XIRP2: variants seen among roughly 807,000 people sequenced by gnomAD.
XIRP2 encodes xin actin binding repeat containing 2.
A neutral mutation model predicts 277.0 loss-of-function variants in XIRP2; 236 were observed. The observed-to-expected ratio is 0.85, with a 90% CI of 0.77 to 0.95. The LOEUF (loss-of-function observed/expected upper bound fraction) is 0.95, where lower values mean the gene tolerates loss of function less well. Ranked by LOEUF, XIRP2 falls within the 40% of genes least tolerant of loss-of-function variation. The pLI is 0.00. For synonymous variants in XIRP2, 1,490 were observed against 1,416.5 expected, an observed-to-expected ratio of 1.05 and a Z score of -1.17; for missense variants, 4,640 against 4,157.5, an observed-to-expected ratio of 1.12 and a Z score of -3.19.
At position 167,244,113 on chromosome 2, in the gene XIRP2, G is replaced by T; in HGVS notation, c.2721G>T (p.Gly907=). Residue 907 remains glycine, a synonymous_variant, in exon 9 of 11, where the codon GGG becomes GGT. Transcript: ENST00000409195. ...TCACTGCCTCTGAAGAAGAAAAAGG[G>T]GATGTTAGGCATCAAAAATGGATTT... The part of the protein sequence containing the change: ...QKITASEEEK[G]DVRHQKWIFE... The T allele has an allele frequency of 6.2e-7, 1 of 1,613,872 alleles. No individual in the cohort carries two copies. Among genetic ancestry groups the T allele is most frequent in the Non-Finnish European group, 8.5e-7 (1 of 1,179,910 alleles).
At chr2:167,184,479 C>G in intron 3 of XIRP2, 1 of 677,394 alleles carries the variant, frequency 1.5e-6, no homozygotes, top group South Asian at 1.6e-5. Context: ...CTCGCTTCTT[C>G]AGTTTTGTTG....
At chr2:167,135,663 A>C (rs374438847) in intron 2 of XIRP2, among the ~76,000 whole-genome samples, 1 of 152,110 alleles carries the variant, frequency 6.6e-6, no homozygotes, top group African/African-American at 2.4e-5. Flanking sequence ...GAGAGAAAAA[A>C]ACACACACAC....
At position 167,240,142 on chromosome 2, in the gene XIRP2, G is replaced by A. The variant is rs1695014992; in HGVS notation, c.969+177G>A. ...TTAAAAGTAAAATAGGGCCAGGCGC[G>A]GTGGCTTGCACCTGTAATCCCAACA... On this transcript the variant is annotated intron_variant, in intron 6 of 10. Coordinates refer to ENST00000409195, the MANE Select transcript of XIRP2 (RefSeq NM_152381.6). 2.0e-5 allele frequency among the ~76,000 whole-genome samples: 3 copies of A among 152,036 alleles called. No homozygotes were observed. The South Asian group carries it at 6.2e-4, about 32-fold the overall frequency.
chr2:167,014,863 A>T (rs58164217), intron 2 of XIRP2, among the ~76,000 whole-genome samples: 1 of 151,708 alleles, frequency 6.6e-6, no homozygotes, highest in African/African-American at 2.4e-5. Context: ...TACATGGCTA[A>T]TAAGTAATGG....
intron 3 of XIRP2, among the ~76,000 whole-genome samples, chr2:167,146,783 T>C (rs187198912): frequency 3.3e-5 from 5 of 152,092 alleles, no homozygotes; most frequent in African/African-American, 9.6e-5. Flanking sequence ...AGGCATATCA[T>C]AGTAAATAAA....
intron 9 of XIRP2, among the ~76,000 whole-genome samples, chr2:167,252,262 G>A (rs1695533854): frequency 6.6e-6 from 1 of 152,030 alleles, no homozygotes; most frequent in East Asian, 1.9e-4. Flanking sequence ...TTTATTTCAT[G>A]CAATTATTCT....
chr2:166,940,617 G>A lies in XIRP2; in HGVS notation c.408+36727G>A, dbSNP rs377508141. On this transcript the variant is annotated intron_variant, in intron 2 of 10. Transcript: ENST00000409195. ...CTTTGATGGTGGTGGCGTACAGATG[G>A]GGTTTTGGTGTGGATATCCTTTCTG... Among the ~76,000 whole-genome samples the A allele has an allele frequency of 2.6e-5, 4 of 152,272 alleles. No individual in the cohort carries two copies. In the East Asian group the frequency reaches 5.8e-4, roughly 22 times the overall value.
At chr2:167,161,394 A>T (rs1362007357) in intron 3 of XIRP2, among the ~76,000 whole-genome samples, 1 of 152,192 alleles carries the variant, frequency 6.6e-6, no homozygotes, top group Non-Finnish European at 1.5e-5. Flanking sequence ...CCCTGCAGCA[A>T]ACTTCTGCCT....
chr2:166,921,725 G>C (rs141737179), intron 2 of XIRP2, among the ~76,000 whole-genome samples: 15 of 152,228 alleles, frequency 9.9e-5, no homozygotes, highest in South Asian at 2.1e-4. Context: ...GCTCCTTTCA[G>C]TGTCTACTCT....
At chr2:166,888,729 G>A (rs145523350) in intron 1 of XIRP2, among the ~76,000 whole-genome samples, 172 bp downstream of exon 1, 4 of 152,180 alleles carry the variant, frequency 2.6e-5, no homozygotes, top group African/African-American at 9.6e-5. Context: ...TCAGGCTAGC[G>A]CTTAGTGACA....
chr2:166,998,016 A>G (rs553313509), intron 2 of XIRP2, among the ~76,000 whole-genome samples: 1 of 152,090 alleles, frequency 6.6e-6, no homozygotes, highest in Admixed American at 6.6e-5. Context: ...AGAAGTAGAG[A>G]GAGATATTAT....
intron 3 of XIRP2, among the ~76,000 whole-genome samples, chr2:167,166,506 G>T (rs12105375): frequency 1.3e-5 from 2 of 152,128 alleles, no homozygotes; most frequent in African/African-American, 4.8e-5. Flanking sequence ...CTGTTTTTGC[G>T]TTGCTATGAA....
chr2:166,933,578 C>CAA (rs879604257), intron 2 of XIRP2, among the ~76,000 whole-genome samples: 1 of 140,828 alleles, frequency 7.1e-6, no homozygotes, highest in Admixed American at 7.1e-5. Flanking sequence ...AGACTCCTCT[C>CAA]AAAAAAAAAA....
At chr2:166,947,539 G>T (rs911304889) in intron 2 of XIRP2, among the ~76,000 whole-genome samples, 2 of 151,986 alleles carry the variant, frequency 1.3e-5, no homozygotes, top group Non-Finnish European at 2.9e-5. Flanking sequence ...ATTTAGTTTT[G>T]ACATTTGTGT....
At chr2:167,182,421 C>A (rs535569060) in intron 3 of XIRP2, among the ~76,000 whole-genome samples, 10 of 152,192 alleles carry the variant, frequency 6.6e-5, no homozygotes, top group Non-Finnish European at 1.3e-4. Flanking sequence ...GTTCGCTTTG[C>A]TACCATGCAG....
chr2:166,898,599 A>G (rs866443702), intron 1 of XIRP2, among the ~76,000 whole-genome samples: 2 of 152,168 alleles, frequency 1.3e-5, no homozygotes, highest in African/African-American at 2.4e-5. Flanking sequence ...TCCATCTTAC[A>G]TAACTATAGT....
intron 2 of XIRP2, among the ~76,000 whole-genome samples, chr2:166,934,217 A>AC (rs963683365): frequency 1.3e-5 from 2 of 151,320 alleles, no homozygotes; most frequent in African/African-American, 4.9e-5. Context: ...AAAAAAAACA[A>AC]AACTAGGGTC....
At chr2:167,082,223 A>T (rs1223111870) in intron 2 of XIRP2, among the ~76,000 whole-genome samples, 17 of 151,772 alleles carry the variant, frequency 1.1e-4, no homozygotes, top group Admixed American at 1.3e-4. Flanking sequence ...GCGATAGTTT[A>T]CTGAGAATGA....
chr2:167,235,548 TAGAC>T (rs1158832325), intron 5 of XIRP2, among the ~76,000 whole-genome samples: 19 of 151,942 alleles, frequency 1.3e-4, no homozygotes, highest in Admixed American at 1.2e-3. Context: ...ATGCATGTGA[TAGAC>T]AGAGTTCTGT....
Sources: gnomAD v4.1 joint callset for allele counts (sites outside exome capture counted in the v4.1 genomes callset) on GRCh38, gnomAD v4.1.1 for gene constraint, MANE v1.5 for transcripts, NCBI Gene and HGNC (gene_info 2026-07-23, HGNC 2026-07-21) for gene names.